Variants in NCOA7 observed in about 807,000 individuals in gnomAD.
NCOA7 encodes the protein nuclear receptor coactivator 7, also known as 140 kDa estrogen receptor-associated protein.
In NCOA7, 45 loss-of-function variants were observed where a neutral mutation model predicts 104.3. That is an observed-to-expected ratio of 0.43 (90% CI 0.34 to 0.55). The LOEUF (loss-of-function observed/expected upper bound fraction) is 0.55, where lower values mean the gene tolerates loss of function less well. Among genes scored for constraint, NCOA7 ranks in the 20% least tolerant of loss-of-function variants. The pLI is 0.02. For missense variants in NCOA7, 1,041 were observed against 1,119.7 expected (o/e 0.93, Z 1.00); for synonymous variants, 398 against 402.3 (o/e 0.99, Z 0.13).
At chr6:125,841,653 T>C (rs1323517287) in intron 2 of NCOA7, among the ~76,000 whole-genome samples, 1 of 152,130 alleles carries the variant, frequency 6.6e-6, no homozygotes, top group Non-Finnish European at 1.5e-5. Flanking sequence ...TGCCTTTACA[T>C]GTGAATGAAT....
chr6:125,792,677 G>A (rs1424351262), intron 1 of NCOA7, among the ~76,000 whole-genome samples: 1 of 151,658 alleles, frequency 6.6e-6, no homozygotes, highest in African/African-American at 2.4e-5. Context: ...TTTCTCCTCG[G>A]TATAGAAACA....
chr6:125,792,736 C>G (rs1322852103), intron 1 of NCOA7, among the ~76,000 whole-genome samples: 2 of 150,758 alleles, frequency 1.3e-5, no homozygotes, highest in Non-Finnish European at 3.0e-5. Context: ...TGAGGGTTTG[C>G]AAGATACAGT....
intron 2 of NCOA7, among the ~76,000 whole-genome samples, chr6:125,827,964 A>G (rs925557103): frequency 8.5e-5 from 13 of 152,272 alleles, no homozygotes; most frequent in African/African-American, 3.1e-4. Context: ...TTGAGAGAGT[A>G]TCTCAAGAAT....
At chr6:125,855,487 T>C (rs1024726237) in intron 3 of NCOA7, 2 of 328,314 alleles carry the variant, frequency 6.1e-6, no homozygotes, top group Admixed American at 4.6e-5. Context: ...ACTAAACGTT[T>C]ATCTAATGAA....
chr6:125,781,845 C>T (rs1774240530), intron 1 of NCOA7, among the ~76,000 whole-genome samples: 1 of 152,232 alleles, frequency 6.6e-6, no homozygotes, highest in Non-Finnish European at 1.5e-5. Flanking sequence ...ACATACAACA[C>T]ATATCTGGTT....
At chr6:125,899,926 G>T in intron 10 of NCOA7, 1 of 524,462 alleles carries the variant, frequency 1.9e-6, no homozygotes, top group South Asian at 1.4e-5. Context: ...TGGTGGCGGA[G>T]CAAGCTTGGA....
intron 1 of NCOA7, among the ~76,000 whole-genome samples, chr6:125,801,584 T>G (rs1775889812): frequency 6.6e-6 from 1 of 152,182 alleles, no homozygotes; most frequent in Non-Finnish European, 1.5e-5. Context: ...AGCTAGATGT[T>G]CAAAATCAAG....
In NCOA7 at chr6:125,795,413, C is replaced by T. The variant is rs550306436; in HGVS notation, c.-65+4346C>T. ...GCTCTAGAGTGAAAGTACTCCCTCT[C>T]ATCCTCATTCCCCTGTCACCCATTT... is the stretch of plus-strand genomic sequence containing the variant. On this transcript the variant is annotated intron_variant, in intron 1 of 15. Coordinates refer to ENST00000392477, the MANE Select transcript of NCOA7 (RefSeq NM_181782.5). Among the ~76,000 whole-genome samples, 34 of 152,288 alleles carry T rather than the reference C, an allele frequency of 2.2e-4. No individual in the cohort carries two copies. The South Asian group carries it at 7.0e-3, about 32-fold the overall frequency.
chr6:125,788,698 A>ATTTTAT (rs1331390669), upstream of NCOA7, among the ~76,000 whole-genome samples: 8 of 121,916 alleles, frequency 6.6e-5, no homozygotes, highest in African/African-American at 2.5e-4. Flanking sequence ...CACCCAGCTA[A>ATTTTAT]TTTTTTTTTT....
At chr6:125,921,773 A>G (rs1380599477) in intron 12 of NCOA7, among the ~76,000 whole-genome samples, 2 of 152,208 alleles carry the variant, frequency 1.3e-5, no homozygotes, top group African/African-American at 2.4e-5. Flanking sequence ...AAGGCACTCT[A>G]CTTGCTTTAT....
In NCOA7 at chr6:125,889,492, G is replaced by A. The variant is rs1214412586; in HGVS notation, c.1438G>A (p.Gly480Arg). 1 of 1,614,100 alleles carries A rather than the reference G, an allele frequency of 6.2e-7. No individual in the cohort carries two copies. Among genetic ancestry groups the A allele is most frequent in the Non-Finnish European group, 8.5e-7 (1 of 1,180,008 alleles). ...AACAGAGAATGATGTTGAACTGAAGGGGGCGCTAGATTTAGAAACCTGTGA... is the reference window on the plus strand; with the variant it reads ...AACAGAGAATGATGTTGAACTGAAGAGGGCGCTAGATTTAGAAACCTGTGA... ...LGTENDVELK[G>R]ALDLETCEKQ... The change falls in exon 9 of 16, where the codon GGG (glycine) becomes AGG (arginine). Residue 480 changes from glycine (G) to arginine (R), a missense_variant. By Grantham distance (125) the Gly-to-Arg change is moderately radical. Transcript: ENST00000392477.
chr6:125,852,114 T>C (rs1781180633), intron 2 of NCOA7, among the ~76,000 whole-genome samples: 1 of 152,086 alleles, frequency 6.6e-6, no homozygotes, highest in Admixed American at 6.6e-5. Context: ...TAGGTCCCAT[T>C]TATTTTTGTT....
intron 3 of NCOA7, among the ~76,000 whole-genome samples, chr6:125,857,670 C>T (rs968376153): frequency 6.6e-6 from 1 of 151,914 alleles, no homozygotes; most frequent in Non-Finnish European, 1.5e-5. Flanking sequence ...AAGCAATTCT[C>T]CTGCCTCAGC....
intron 10 of NCOA7, among the ~76,000 whole-genome samples, chr6:125,906,032 G>T (rs1177577232): frequency 6.6e-6 from 1 of 152,028 alleles, no homozygotes; most frequent in Non-Finnish European, 1.5e-5. Flanking sequence ...CAAACTCCTG[G>T]CCTCAAGCAG....
Position 125,889,047 on chromosome 6 carries a change from A to G in NCOA7, c.993A>G (p.Glu331=). The G allele has an allele frequency of 6.2e-7, 1 of 1,614,160 alleles. No homozygotes were observed. The highest frequency in any genetic ancestry group is 8.5e-7 in the Non-Finnish European group (1 of 1,179,970). Residue 331 remains glutamate, a synonymous_variant, in exon 9 of 16, where the codon GAA becomes GAG. Coordinates refer to ENST00000392477, the MANE Select transcript of NCOA7 (RefSeq NM_181782.5). The stretch of plus-strand genomic sequence containing the variant: ...GTAAGTTCAAATCTATCAACAAGGA[A>G]AAACGACAGCAGAATGGAGAGAAAA... ...PFSKFKSINK[E]KRQQNGEKIM... is the part of the protein sequence containing the mutation.
At chr6:125,844,211 G>A (rs946022698) in intron 2 of NCOA7, among the ~76,000 whole-genome samples, 1 of 152,212 alleles carries the variant, frequency 6.6e-6, no homozygotes, top group Non-Finnish European at 1.5e-5. Flanking sequence ...GGGAAATGCT[G>A]TTGTGTGTAT....
At position 125,927,635 on chromosome 6, in the gene NCOA7, A is replaced by G. The variant is rs2128703564; in HGVS notation, c.2524-28A>G. The G allele has an allele frequency of 2.6e-6, 4 of 1,529,072 alleles. No homozygotes were observed. The African/African-American group carries it at 4.1e-5, about 16-fold the overall frequency. The allele number at this position is 1,529,072 out of a possible 1,614,324, so 94.7% of individuals were successfully genotyped here. A position where few individuals can be genotyped will look rare whatever the true frequency, so the allele number is the denominator to read the frequency against. On this transcript the variant is annotated intron_variant, in intron 13 of 15. Transcript: ENST00000392477. ...GCTTTGGGGATTTAGGTTTGAATGT[A>G]GGTAACATTTCTGTTTTCTTTTGAC...
Position 125,889,282 on chromosome 6 carries a change from C to G in NCOA7, c.1228C>G (p.Leu410Val). The G allele has an allele frequency of 6.2e-7, 1 of 1,614,052 alleles. No homozygotes were observed. Among genetic ancestry groups the G allele is most frequent in the Non-Finnish European group, 8.5e-7 (1 of 1,179,988 alleles). Residue 410 changes from leucine to valine, a missense_variant, in exon 9 of 16, where the codon CTA (leucine) becomes GTA (valine). By Grantham distance (32) the Leu-to-Val change is conservative. Around this residue, in one of 2 missense-constraint regions of NCOA7, gnomAD observed 914 missense variants for 942.7 expected, o/e 0.97. Coordinates refer to ENST00000392477, the MANE Select transcript of NCOA7 (RefSeq NM_181782.5). ...TGAATCTACAGCCAAAGAAAACTTT[C>G]TAGGGGAAGATGATGATTTTGTTGA... ...AFESTAKENF[L>V]GEDDDFVDLE...
At chr6:125,892,893 A>AT (rs1412132710) in intron 10 of NCOA7, among the ~76,000 whole-genome samples, 2 of 151,694 alleles carry the variant, frequency 1.3e-5, no homozygotes, top group African/African-American at 4.9e-5. Flanking sequence ...GATGTTAGGA[A>AT]TTTTTTTGTG....
Sources: allele counts gnomAD v4.1 joint callset (sites outside exome capture counted in the v4.1 genomes callset), GRCh38; gene constraint gnomAD v4.1.1; regional missense constraint gnomAD v4.1.1; transcripts MANE v1.5; gene names NCBI Gene and HGNC (gene_info 2026-07-23, HGNC 2026-07-21).